Variants in SORCS3 observed in about 807,000 individuals in gnomAD.
SORCS3 encodes VPS10 domain-containing receptor SorCS3.
In SORCS3, 57 loss-of-function variants were observed where a neutral mutation model predicts 146.3. The ratio of observed to expected loss-of-function variants is 0.39; its 90% CI spans 0.31 to 0.49. SORCS3 has a LOEUF of 0.49. SORCS3 is among the 20% of genes least tolerant of loss of function. The pLI is 0.92. For synonymous variants in SORCS3, 653 were observed against 618.5 expected, an observed-to-expected ratio of 1.06 and a Z score of -0.83; for missense variants, 1,341 against 1,575.5, an observed-to-expected ratio of 0.85 and a Z score of 2.52.
At chr10:104,648,575 T>C (rs765771146) in intron 1 of SORCS3, among the ~76,000 whole-genome samples, 1 of 152,232 alleles carries the variant, frequency 6.6e-6, no homozygotes, top group South Asian at 2.1e-4. Context: ...CTGCAGACAA[T>C]GAATAACAAG....
At chr10:104,959,632 A>T (rs1430996784) in intron 3 of SORCS3, among the ~76,000 whole-genome samples, 2 of 152,190 alleles carry the variant, frequency 1.3e-5, no homozygotes, top group African/African-American at 4.8e-5. Context: ...CCTGCGTTGC[A>T]TTCCTCGCAG....
At chr10:104,792,734 A>T (rs980492364) in intron 1 of SORCS3, among the ~76,000 whole-genome samples, 1 of 151,970 alleles carries the variant, frequency 6.6e-6, no homozygotes. Flanking sequence ...TATGACTTGG[A>T]TTTACGTGGG....
rs189681055 is a variant in SORCS3 at position 104,916,191 on chromosome 10, A to G, written c.795+259A>G. On this transcript the variant is annotated intron_variant, in intron 3 of 26. Coordinates refer to ENST00000369701, the MANE Select transcript of SORCS3 (RefSeq NM_014978.3). The stretch of plus-strand genomic sequence containing the variant: ...CTTATCTCAGTTATCGTTACAATGA[A>G]TCTATGGGATAGAAACTATTATGGT... Among the ~76,000 whole-genome samples the G allele has an allele frequency of 3.1e-4, 47 of 152,346 alleles. No individual in the cohort carries two copies. In the East Asian group the frequency reaches 4.8e-3, roughly 16 times the overall value.
At chr10:105,212,223 G>C (rs2056638280) in intron 17 of SORCS3, among the ~76,000 whole-genome samples, 1 of 152,222 alleles carries the variant, frequency 6.6e-6, no homozygotes, top group Admixed American at 6.5e-5. Flanking sequence ...GAGATACTCT[G>C]AAATGCATGC....
At chr10:104,706,201 CTTTTTTT>C (rs1162969172) in intron 1 of SORCS3, among the ~76,000 whole-genome samples, 11 of 85,870 alleles carry the variant, frequency 1.3e-4, no homozygotes, top group East Asian at 7.0e-4. Context: ...TTTTCTTCTT[CTTTTTTT>C]TTTTTTTTTT....
intron 4 of SORCS3, among the ~76,000 whole-genome samples, chr10:105,039,289 C>A (rs2055324176): frequency 6.6e-6 from 1 of 152,066 alleles, no homozygotes; most frequent in Non-Finnish European, 1.5e-5. Flanking sequence ...TGAATAGGAG[C>A]CTGCTCTTTC....
At position 104,711,974 on chromosome 10, in the gene SORCS3, G is replaced by A. The variant is rs552406833; in HGVS notation, c.627+70020G>A. Among the ~76,000 whole-genome samples, 4 of 152,198 alleles carry A rather than the reference G, an allele frequency of 2.6e-5. No homozygotes were observed. In the South Asian group the frequency reaches 8.3e-4, roughly 32 times the overall value. Reference sequence around the variant, plus strand: ...CCATATCTCTCATGATGTTTCTATGGCACCCTTCCAATAACCAAGTTACCA... The same window carrying A: ...CCATATCTCTCATGATGTTTCTATGACACCCTTCCAATAACCAAGTTACCA... On this transcript the variant is annotated intron_variant, in intron 1 of 26. Coordinates refer to ENST00000369701, the MANE Select transcript of SORCS3 (RefSeq NM_014978.3).
chr10:104,716,851 T>A (rs2016485420), intron 1 of SORCS3, among the ~76,000 whole-genome samples: 1 of 152,184 alleles, frequency 6.6e-6, no homozygotes, highest in African/African-American at 2.4e-5. Context: ...ATTTGTAGGG[T>A]TTCACTTAGT....
chr10:105,183,223 C>G (rs1448504000), intron 14 of SORCS3, among the ~76,000 whole-genome samples: 1 of 152,158 alleles, frequency 6.6e-6, no homozygotes, highest in Admixed American at 6.5e-5. Context: ...GGCCAATTGC[C>G]TTGTTGACTC....
chr10:105,072,285 T>A (rs1171823676), intron 5 of SORCS3, among the ~76,000 whole-genome samples: 1 of 152,170 alleles, frequency 6.6e-6, no homozygotes, highest in African/African-American at 2.4e-5. Context: ...ACGTTAGCCC[T>A]TTTAGCAATT....
At chr10:105,121,349 A>T (rs1233243434) in intron 7 of SORCS3, among the ~76,000 whole-genome samples, 1 of 152,206 alleles carries the variant, frequency 6.6e-6, no homozygotes, top group African/African-American at 2.4e-5. Context: ...GACAGATATT[A>T]TCTTTATTTT....
At chr10:104,722,187 AG>A (rs1319950632) in intron 1 of SORCS3, among the ~76,000 whole-genome samples, 25 of 152,208 alleles carry the variant, frequency 1.6e-4, no homozygotes, top group African/African-American at 5.8e-4. Flanking sequence ...TTTAGCATGA[AG>A]GGTTGTTGAA....
chr10:105,248,914 C>T (rs1208353844), intron 22 of SORCS3, among the ~76,000 whole-genome samples: 2 of 151,902 alleles, frequency 1.3e-5, no homozygotes, highest in South Asian at 2.1e-4. Context: ...GAAAAGTATT[C>T]TTTTTTTTAT....
intron 1 of SORCS3, among the ~76,000 whole-genome samples, chr10:104,767,367 G>A (rs187628594): frequency 1.4e-4 from 21 of 152,230 alleles, no homozygotes; most frequent in Non-Finnish European, 2.4e-4. Context: ...GAAAAGCCCC[G>A]AGGAGCCTTG....
chr10:105,086,221 G>A (rs1489224729), intron 5 of SORCS3, among the ~76,000 whole-genome samples: 1 of 152,192 alleles, frequency 6.6e-6, no homozygotes, highest in East Asian at 1.9e-4. Context: ...AGAGGCATGG[G>A]CTGCTGTGAT....
intron 4 of SORCS3, among the ~76,000 whole-genome samples, chr10:104,997,302 G>A (rs971084794): frequency 1.6e-4 from 25 of 152,192 alleles, no homozygotes; most frequent in African/African-American, 5.3e-4. Flanking sequence ...AATTTCTTTC[G>A]TATGAACTAA....
At chr10:105,226,236 A>C (rs939464755) in intron 20 of SORCS3, among the ~76,000 whole-genome samples, 1 of 151,824 alleles carries the variant, frequency 6.6e-6, no homozygotes. Context: ...CATTCCTTCT[A>C]TGCTGGTTTT....
chr10:105,056,645 C>T (rs1564744034), intron 5 of SORCS3, among the ~76,000 whole-genome samples: 2 of 152,150 alleles, frequency 1.3e-5, no homozygotes, highest in African/African-American at 4.8e-5. Flanking sequence ...AATAGATGAG[C>T]TACTGACTTA....
intron 2 of SORCS3, among the ~76,000 whole-genome samples, chr10:104,899,894 C>T (rs1388350616): frequency 6.6e-6 from 1 of 151,966 alleles, no homozygotes; most frequent in Non-Finnish European, 1.5e-5. Context: ...TACCATTTTC[C>T]TACATCTAGG....
Sources: gnomAD v4.1 joint callset for allele counts (sites outside exome capture counted in the v4.1 genomes callset) on GRCh38, gnomAD v4.1.1 for gene constraint, MANE v1.5 for transcripts, NCBI Gene and HGNC (gene_info 2026-07-23, HGNC 2026-07-21) for gene names.